RETREG2: variants seen among roughly 807,000 people sequenced by gnomAD.
The protein encoded by RETREG2 is reticulophagy regulator family member 2.
In RETREG2, 21 loss-of-function variants were observed where a neutral mutation model predicts 51.6. The observed-to-expected ratio is 0.41, with a 90% CI of 0.29 to 0.59. The LOEUF (loss-of-function observed/expected upper bound fraction) is 0.59, where lower values mean the gene tolerates loss of function less well. Among genes scored for constraint, RETREG2 ranks in the 20% least tolerant of loss-of-function variants. RETREG2 has a pLI of 0.34. For missense variants in RETREG2, 674 were observed against 646.0 expected (o/e 1.04, Z -0.47); for synonymous variants, 339 against 288.6 (o/e 1.17, Z -1.77).
rs1403656940 is a variant in RETREG2 at position 219,184,390 on chromosome 2, G to A, written c.*1761G>A. On this transcript the variant is annotated 3_prime_UTR_variant, in exon 9 of 9. Coordinates refer to ENST00000430297, the MANE Select transcript of RETREG2 (RefSeq NM_024293.6). ...GTCTTTCTGCTGGAGGTACCATATG[G>A]TAATGCTGCCTGGCTGTCTGCTGGA... is the stretch of plus-strand genomic sequence containing the variant. 6.6e-6 allele frequency: 1 copy of A among 152,082 alleles called. No individual in the cohort carries two copies. The highest frequency in any genetic ancestry group is 6.6e-5 in the Admixed American group (1 of 15,262). The allele number at this position is 152,082 out of a possible 1,614,324, so 9.4% of individuals were successfully genotyped here.
chr2:219,178,287 G>A lies in RETREG2; in HGVS notation c.-66G>A, dbSNP rs1950215493. 2.8e-6 allele frequency: 1 copy of A among 362,100 alleles called. No individual in the cohort carries two copies. The highest frequency in any genetic ancestry group is 4.9e-6 in the Non-Finnish European group (1 of 202,924). The allele number at this position is 362,100 out of a possible 1,614,324, so 22.4% of individuals were successfully genotyped here. On this transcript the variant is annotated 5_prime_UTR_variant, in exon 1 of 9. Transcript: ENST00000430297. ...TCCGCGGCGCCCCCTTCCGCCTGAC[G>A]CGCCCCCGGCGGCGGCCGCGCAGCC...
chr2:219,179,930 C>A (rs564388110), intron 3 of RETREG2, 167 bp downstream of exon 3: 9 of 1,129,194 alleles, frequency 8.0e-6, no homozygotes, highest in Non-Finnish European at 9.2e-6. Flanking sequence ...CGTGCCTGCT[C>A]CTTTTGGGGC....
At chr2:219,179,153 C>T in intron 2 of RETREG2, 125 bp downstream of exon 2, 1 of 757,728 alleles carries the variant, frequency 1.3e-6, no homozygotes, top group Admixed American at 1.9e-5. Context: ...TGGCCCACTT[C>T]CTTTTTGTAC....
At position 219,182,491 on chromosome 2, in the gene RETREG2, G is replaced by A. The variant is rs1408550867; in HGVS notation, c.1494G>A (p.Gly498=). 21 of 1,614,116 alleles carry A rather than the reference G, an allele frequency of 1.3e-5. No homozygotes were observed. The highest frequency in any genetic ancestry group is 1.6e-5 in the Non-Finnish European group (19 of 1,180,018). Residue 498 remains glycine, a synonymous_variant, in exon 9 of 9, where the codon GGG becomes GGA. Transcript: ENST00000430297. ...AGGACTTTGAGTTGCTGGATCAGGGGGAGCTGGAGCAGCTGAATGCAGAGC... is the reference window on the plus strand; with the variant it reads ...AGGACTTTGAGTTGCTGGATCAGGGAGAGCTGGAGCAGCTGAATGCAGAGC... ...TTEDFELLDQ[G]ELEQLNAELG... is the part of the protein sequence containing the mutation.
At chr2:219,178,842 T>C in intron 1 of RETREG2, 80 bp from the exon 2 acceptor site, 1 of 1,153,680 alleles carries the variant, frequency 8.7e-7, no homozygotes, top group Non-Finnish European at 1.3e-6. Context: ...ACCCCATCAG[T>C]AGGCGCCTTT....
intron 4 of RETREG2, 90 bp downstream of exon 4, chr2:219,180,335 C>T: frequency 6.6e-7 from 1 of 1,525,044 alleles, no homozygotes; most frequent in Non-Finnish European, 9.0e-7. Flanking sequence ...AAACTCCCCG[C>T]TTGGAGACCC....
rs561443927 is a variant in RETREG2, at chr2:219,181,407, C to G, written c.823C>G (p.Pro275Ala). The G allele has an allele frequency of 6.9e-5, 112 of 1,614,092 alleles. 2 individuals carry two copies. The South Asian group carries it at 1.2e-3, about 17-fold the overall frequency. ...GKNAPPGGDEPLAETESESEA... is the reference protein window; with the variant it reads ...GKNAPPGGDEALAETESESEA... The stretch of plus-strand genomic sequence containing the variant: ...GAATGCACCCCCAGGAGGTGATGAG[C>G]CACTGGCAGAGACAGAGAGTGAAAG... Residue 275 changes from proline (P) to alanine (A), a missense_variant, in exon 7 of 9, where the codon CCA becomes GCA. Coordinates refer to ENST00000430297, the MANE Select transcript of RETREG2 (RefSeq NM_024293.6).
rs878998209 is a variant in RETREG2 at position 219,180,689 on chromosome 2, C to T, written c.575C>T (p.Ser192Phe). Residue 192 changes from serine (S) to phenylalanine (F), a missense_variant, in exon 5 of 9, where the codon TCT becomes TTT. Physicochemically the swap from Ser to Phe is radical, Grantham distance 155. Coordinates refer to ENST00000430297, the MANE Select transcript of RETREG2 (RefSeq NM_024293.6). ...CTGCAGTTCTGCGTTCGAGTCTGCTCTGGCTGTGCTGTGTTGGCTGTGTTG... is the reference window on the plus strand; with the variant it reads ...CTGCAGTTCTGCGTTCGAGTCTGCTTTGGCTGTGCTGTGTTGGCTGTGTTG... Reference protein sequence around the residue: ...NPAQFCVRVCSGCAVLAVLGH... With the variant: ...NPAQFCVRVCFGCAVLAVLGH... 2 of 1,613,760 alleles carry T rather than the reference C, an allele frequency of 1.2e-6. No homozygotes were observed. The highest frequency in any genetic ancestry group is 1.7e-5 in the Admixed American group (1 of 60,028).
intron 5 of RETREG2, 47 bp downstream of exon 5, chr2:219,180,801 C>T (rs1258209709): frequency 6.2e-7 from 1 of 1,603,396 alleles, no homozygotes; most frequent in Non-Finnish European, 8.5e-7. Context: ...CTCCTTTCTT[C>T]TTTCCTTGGA....
chr2:219,184,185 A>G lies in RETREG2; in HGVS notation c.*1556A>G, dbSNP rs10932798. On this transcript the variant is annotated 3_prime_UTR_variant, in exon 9 of 9. Coordinates refer to ENST00000430297, the MANE Select transcript of RETREG2 (RefSeq NM_024293.6). ...CCCTGTCCATTAATAGGGCACAGGT[A>G]GGAAGATGCACAAGGATGTGGGAAC... The G allele has an allele frequency of 0.5, 75,777 of 152,064 alleles. 20,746 individuals carry two copies. Among genetic ancestry groups the G allele is most frequent in the Non-Finnish European group, 0.62 (42,389 of 67,990 alleles). 9.4% of individuals were successfully genotyped at this position (152,064 alleles called of 1,614,324 possible).
intron 8 of RETREG2, 118 bp from the exon 9 acceptor site, chr2:219,181,895 A>AAC: frequency 6.4e-7 from 1 of 1,557,154 alleles, no homozygotes; most frequent in Non-Finnish European, 8.7e-7. Context: ...AAAAGACCTT[A>AAC]ACACCTAAGG....
rs758677108 is a variant in RETREG2, at chr2:219,181,323, C to G, written c.785-46C>G. The G allele has an allele frequency of 3.7e-6, 6 of 1,607,600 alleles. No homozygotes were observed. In the South Asian group the frequency reaches 5.5e-5, roughly 15 times the overall value. On this transcript the variant is annotated intron_variant, in intron 6 of 8. Transcript: ENST00000430297. ...TCTTTAGCTGTGTTTGTCTCCCCTCCCATCATTCATGCTTGGTCATTGCTC... is the reference window on the plus strand; with the variant it reads ...TCTTTAGCTGTGTTTGTCTCCCCTCGCATCATTCATGCTTGGTCATTGCTC...
rs538668543 is a variant in RETREG2 at position 219,182,065 on chromosome 2, C to T, written c.1068C>T (p.Asp356=). ...AACCAGAGGAGACCCTAAGCCGGGACCTAGGGGAGGGAGAGGAGGGAGAGC... is the reference window on the plus strand; with the variant it reads ...AACCAGAGGAGACCCTAAGCCGGGATCTAGGGGAGGGAGAGGAGGGAGAGC... The part of the protein sequence containing the change: ...PSEPEETLSR[D]LGEGEEGELA... The change falls in exon 9 of 9, where the codon GAC becomes GAT. Residue 356 remains aspartate, a synonymous_variant. Transcript: ENST00000430297. 2.5e-6 allele frequency: 4 copies of T among 1,614,094 alleles called. No individual in the cohort carries two copies. The East Asian group carries it at 6.7e-5, about 27-fold the overall frequency.
chr2:219,182,538 C>T lies in RETREG2; in HGVS notation c.1541C>T (p.Pro514Leu), dbSNP rs769332007. The T allele has an allele frequency of 1.3e-5, 21 of 1,614,016 alleles. No individual in the cohort carries two copies. Among genetic ancestry groups the T allele is most frequent in the Non-Finnish European group, 1.4e-5 (17 of 1,180,024 alleles). Residue 514 changes from proline (P) to leucine (L), a missense_variant, in exon 9 of 9, where the codon CCG becomes CTG. By Grantham distance (98) the Pro-to-Leu change is moderately conservative. Coordinates refer to ENST00000430297, the MANE Select transcript of RETREG2 (RefSeq NM_024293.6). ...NAELGLEPETPPKPPDAPPLG... is the reference protein window; with the variant it reads ...NAELGLEPETLPKPPDAPPLG... ...GAGCTGGGCTTGGAGCCAGAGACAC[C>T]GCCAAAACCCCCTGATGCTCCACCC...
rs888756782 is a variant in RETREG2 at position 219,181,919 on chromosome 2, T to C, written c.1016-94T>C. 7.7e-6 allele frequency: 12 copies of C among 1,562,408 alleles called. No homozygotes were observed. In the South Asian group the frequency reaches 1.3e-4, roughly 17 times the overall value. ...TAACACCTAAGGCTTGGCCCAGCTTTCCATGTCTTGAGTTCTCATCCTTGA... is the reference window on the plus strand; with the variant it reads ...TAACACCTAAGGCTTGGCCCAGCTTCCCATGTCTTGAGTTCTCATCCTTGA... On this transcript the variant is annotated intron_variant, in intron 8 of 8. Coordinates refer to ENST00000430297, the MANE Select transcript of RETREG2 (RefSeq NM_024293.6).
rs568551860 is a variant in RETREG2, at chr2:219,182,808, C to T, written c.*179C>T. ...CTGCTGTCCTGGGCATGGTGCAGTA[C>T]CTGTGCCTAGGATTGGTTTTAAATT... On this transcript the variant is annotated 3_prime_UTR_variant, in exon 9 of 9. Transcript: ENST00000430297. 5.1e-4 allele frequency: 341 copies of T among 668,826 alleles called. 1 individual carries two copies. Among genetic ancestry groups the T allele is most frequent in the Non-Finnish European group, 6.3e-5 (25 of 398,428 alleles). The allele number at this position is 668,826 out of a possible 1,614,324, so 41.4% of individuals were successfully genotyped here.
chr2:219,180,055 A>T, intron 3 of RETREG2, 55 bp from the exon 4 acceptor site: 1 of 1,603,120 alleles, frequency 6.2e-7, no homozygotes. Context: ...GAGGGATTTA[A>T]GTGTCTAGGA....
rs140249719 is a variant in RETREG2 at position 219,182,304 on chromosome 2, A to C, written c.1307A>C (p.Glu436Ala). ...PGGPVETLSP[E>A]TVSGGLTALP... ...GGACCAGTGGAGACACTGAGCCCCG[A>C]GACAGTGAGTGGTGGCCTCACTGCT... Residue 436 changes from glutamate (E) to alanine (A), a missense_variant, in exon 9 of 9, where the codon GAG becomes GCG. By Grantham distance (107) the Glu-to-Ala change is moderately radical. Transcript: ENST00000430297. The C allele has an allele frequency of 5.0e-5, 81 of 1,614,062 alleles. 2 individuals carry two copies. In the African/African-American group the frequency reaches 8.7e-4, roughly 17 times the overall value.
At chr2:219,181,300 T>C in intron 6 of RETREG2, 69 bp from the exon 7 acceptor site, 1 of 1,606,324 alleles carries the variant, frequency 6.2e-7, no homozygotes, top group Non-Finnish European at 8.5e-7. Flanking sequence ...TCTCCAGTTC[T>C]TTAGCTGTGT....
Sources: allele counts gnomAD v4.1 joint callset, GRCh38; gene constraint gnomAD v4.1.1; transcripts MANE v1.5; gene names NCBI Gene and HGNC (gene_info 2026-07-23, HGNC 2026-07-21).